The following WDR82 variants were observed in gnomAD, a reference collection of about 807,000 sequenced individuals.
The protein encoded by WDR82 is WD repeat-containing protein 82.
WDR82 carries 8 observed loss-of-function variants against 36.1 expected under a neutral mutation model. The observed-to-expected ratio is 0.22, with a 90% CI of 0.13 to 0.40. The LOEUF (loss-of-function observed/expected upper bound fraction) is 0.40. Among genes scored for constraint, WDR82 ranks in the 10% least tolerant of loss-of-function variants. WDR82 has a pLI of 1.00. For missense variants in WDR82, 185 were observed against 400.5 expected (o/e 0.46, Z 4.59); for synonymous variants, 129 against 137.8 (o/e 0.94, Z 0.45).
In WDR82 at chr3:52,260,474, C is replaced by T. The variant is rs556264431; in HGVS notation, c.454G>A (p.Val152Ile). ...AACCCTTCTGGATCAAAAGAACAAACTGGCTTCCCCTGCAGATGCATGAGG... is the reference window on the plus strand; with the variant it reads ...AACCCTTCTGGATCAAAAGAACAAATTGGCTTCCCCTGCAGATGCATGAGG... ...QGLMHLQGKP[V>I]CSFDPEGLIF... Residue 152 changes from valine (V) to isoleucine (I), a missense_variant, in exon 5 of 9, where the codon GTT becomes ATT. Transcript: ENST00000296490. 10 of 1,590,712 alleles carry T rather than the reference C, an allele frequency of 6.3e-6. No individual in the cohort carries two copies. The African/African-American group carries it at 1.1e-4, about 18-fold the overall frequency.
intron 8 of WDR82, 151 bp downstream of exon 8, chr3:52,258,385 G>A (rs1234347286): frequency 3.3e-6 from 3 of 896,130 alleles, no homozygotes; most frequent in Non-Finnish European, 5.2e-6. Context: ...AATAATAGGA[G>A]ATGAAATAGG....
chr3:52,260,655 TACAA>T (rs1700053442), intron 4 of WDR82, among the ~76,000 whole-genome samples, 154 bp from the exon 5 acceptor site: 1 of 152,130 alleles, frequency 6.6e-6, no homozygotes, highest in East Asian at 1.9e-4. Flanking sequence ...AAGAAAGGCA[TACAA>T]ACAAATATCA....
At chr3:52,259,332 C>G in intron 6 of WDR82, 66 bp from the exon 7 acceptor site, 1 of 1,486,086 alleles carries the variant, frequency 6.7e-7, no homozygotes, top group South Asian at 1.1e-5. Context: ...TGCCTACAAA[C>G]ACTGACTCAG....
At chr3:52,268,251 C>T (rs1294803489) in intron 2 of WDR82, 1 of 465,638 alleles carries the variant, frequency 2.1e-6, no homozygotes, top group African/African-American at 2.0e-5. Flanking sequence ...TCCTCTCAGC[C>T]CCACTTGGCA....
At chr3:52,266,551 C>T (rs531886900) in intron 3 of WDR82, among the ~76,000 whole-genome samples, 22 of 152,252 alleles carry the variant, frequency 1.4e-4, no homozygotes, top group African/African-American at 4.8e-4. Context: ...GATTCTCCTG[C>T]CTCAGCCTCC....
intron 6 of WDR82, among the ~76,000 whole-genome samples, chr3:52,259,506 T>C (rs1461287631): frequency 6.6e-6 from 1 of 152,224 alleles, no homozygotes; most frequent in Non-Finnish European, 1.5e-5. Context: ...GAAATTATTT[T>C]ATATCTAAAT....
chr3:52,277,783 C>A (rs965015467), intron 1 of WDR82, among the ~76,000 whole-genome samples: 2 of 152,198 alleles, frequency 1.3e-5, no homozygotes, highest in Non-Finnish European at 2.9e-5. Flanking sequence ...CAAGAGAGAG[C>A]TGACGCTGCC....
intron 1 of WDR82, among the ~76,000 whole-genome samples, chr3:52,277,627 AG>A (rs1348075772): frequency 1.3e-5 from 2 of 152,214 alleles, no homozygotes; most frequent in African/African-American, 4.8e-5. Context: ...AGAAAAAGCA[AG>A]GGGGCTCAAA....
At position 52,257,318 on chromosome 3, in the gene WDR82, C is replaced by T; in HGVS notation, c.*172G>A. ...CAAGAGTCCTTTTGAAGACGCTCAT[C>T]AAAGTAATTATTTTCTTTTGAGCAG... On this transcript the variant is annotated 3_prime_UTR_variant, in exon 9 of 9. Coordinates refer to ENST00000296490, the MANE Select transcript of WDR82 (RefSeq NM_025222.4). The T allele has an allele frequency of 1.2e-6, 1 of 847,562 alleles. No homozygotes were observed. Among genetic ancestry groups the T allele is most frequent in the East Asian group, 2.7e-5 (1 of 37,624 alleles). The allele number at this position is 847,562 out of a possible 1,614,324, so 52.5% of individuals were successfully genotyped here.
Position 52,270,740 on chromosome 3 carries a change from T to C in WDR82, c.231A>G (p.Thr77=). 6.2e-7 allele frequency: 1 copy of C among 1,613,332 alleles called. No homozygotes were observed. The highest frequency in any genetic ancestry group is 8.5e-7 in the Non-Finnish European group (1 of 1,179,672). The change falls in exon 2 of 9, where the codon ACA becomes ACG. Residue 77 remains threonine, a synonymous_variant. Transcript: ENST00000296490. ...DLIRYTHAAN[T]VVYSSNKIDD... is the part of the protein sequence containing the mutation. ...CTATTTTGTTAGAGCTGTAAACAAC[T>C]GTGTTTGCTGCATGAGTGTATCTGA...
Position 52,259,614 on chromosome 3 carries a change from G to C in WDR82, c.699+103C>G. 5.8e-6 allele frequency: 8 copies of C among 1,376,406 alleles called. No homozygotes were observed. The South Asian group carries it at 1.1e-4, about 20-fold the overall frequency. The allele number at this position is 1,376,406 out of a possible 1,614,324, so 85.3% of individuals were successfully genotyped here. A position where few individuals can be genotyped will look rare whatever the true frequency, so the allele number is the denominator to read the frequency against. ...AAAATACAAGTGCATGCCTTCATGA[G>C]TAAGTCAAGAGTAACTGTTGGTCTC... is the stretch of plus-strand genomic sequence containing the variant. On this transcript the variant is annotated intron_variant, in intron 6 of 8. Coordinates refer to ENST00000296490, the MANE Select transcript of WDR82 (RefSeq NM_025222.4).
chr3:52,270,275 G>A (rs1700141806), intron 2 of WDR82, among the ~76,000 whole-genome samples: 1 of 152,048 alleles, frequency 6.6e-6, no homozygotes, highest in Non-Finnish European at 1.5e-5. Context: ...GTGCACCACT[G>A]TGCCCAGCTA....
At chr3:52,260,062 G>C (rs1485681886) in intron 5 of WDR82, among the ~76,000 whole-genome samples, 190 bp from the exon 6 acceptor site, 1 of 152,180 alleles carries the variant, frequency 6.6e-6, no homozygotes, top group Non-Finnish European at 1.5e-5. Context: ...CGGGCGCGGT[G>C]GCTCACGCCT....
At chr3:52,260,743 C>T (rs1700054128) in intron 4 of WDR82, among the ~76,000 whole-genome samples, 1 of 152,206 alleles carries the variant, frequency 6.6e-6, no homozygotes, top group Non-Finnish European at 1.5e-5. Context: ...CTCCAGACAA[C>T]AATTTCTGAT....
At chr3:52,266,735 GC>G (rs1213586801) in intron 3 of WDR82, among the ~76,000 whole-genome samples, 1 of 152,176 alleles carries the variant, frequency 6.6e-6, no homozygotes, top group Non-Finnish European at 1.5e-5. Context: ...ACTGCACTGG[GC>G]CTAGTTATAT....
intron 1 of WDR82, among the ~76,000 whole-genome samples, chr3:52,276,873 C>A (rs1287683864): frequency 3.9e-5 from 6 of 152,000 alleles, no homozygotes; most frequent in Non-Finnish European, 7.4e-5. Context: ...GAGCCGGTTA[C>A]ATAATACTTT....
At chr3:52,261,661 TA>T (rs956336737) in intron 3 of WDR82, among the ~76,000 whole-genome samples, 182 bp from the exon 4 acceptor site, 249 of 146,870 alleles carry the variant, frequency 1.7e-3, no homozygotes, top group African/African-American at 5.1e-3. Context: ...GCAACTAGTA[TA>T]AAAAAAAAAA....
At chr3:52,276,344 T>C (rs1700202382) in intron 1 of WDR82, among the ~76,000 whole-genome samples, 2 of 150,990 alleles carry the variant, frequency 1.3e-5, no homozygotes, top group Non-Finnish European at 2.9e-5. Context: ...GGCAGGAGAA[T>C]CGCTTGAACC....
chr3:52,259,937 C>T lies in WDR82; in HGVS notation c.544-65G>A, dbSNP rs944857903. On this transcript the variant is annotated intron_variant, in intron 5 of 8. Coordinates refer to ENST00000296490, the MANE Select transcript of WDR82 (RefSeq NM_025222.4). ...AATTTCTTCTGCTAGAGCCAATTCC[C>T]ATCCTATTCCTTTAGATTACTTTTT... is the stretch of plus-strand genomic sequence containing the variant. The T allele has an allele frequency of 1.2e-5, 19 of 1,528,210 alleles. No homozygotes were observed. The South Asian group carries it at 2.4e-4, about 19-fold the overall frequency. The allele number at this position is 1,528,210 out of a possible 1,614,324, so 94.7% of individuals were successfully genotyped here. A position where few individuals can be genotyped will look rare whatever the true frequency, so the allele number is the denominator to read the frequency against.
Sources: allele counts gnomAD v4.1 joint callset (sites outside exome capture counted in the v4.1 genomes callset), GRCh38; gene constraint gnomAD v4.1.1; transcripts MANE v1.5; gene names NCBI Gene and HGNC (gene_info 2026-07-23, HGNC 2026-07-21).